The following SORCS2 variants were observed in gnomAD, a reference collection of about 807,000 sequenced individuals.
SORCS2 encodes sortilin related VPS10 domain containing receptor 2.
A neutral mutation model predicts 141.6 loss-of-function variants in SORCS2; 100 were observed. The observed-to-expected ratio is 0.71, with a 90% CI of 0.60 to 0.83. The LOEUF is 0.83. Ranked by LOEUF, SORCS2 falls within the 40% of genes least tolerant of loss-of-function variation. The pLI, the probability that SORCS2 is intolerant of heterozygous loss-of-function variation, is 0.00. For synonymous variants in SORCS2, 789 were observed against 676.9 expected (o/e 1.17, Z -2.57); for missense variants, 1,646 against 1,560.2 (o/e 1.05, Z -0.93).
At chr4:7,400,181 C>T (rs1193022703) in intron 2 of SORCS2, among the ~76,000 whole-genome samples, 1 of 152,004 alleles carries the variant, frequency 6.6e-6, no homozygotes, top group Non-Finnish European at 1.5e-5. Flanking sequence ...CTCAGCTCCT[C>T]CCACTCTACC....
intron 1 of SORCS2, among the ~76,000 whole-genome samples, chr4:7,247,700 G>T (rs983760952): frequency 6.6e-6 from 1 of 152,216 alleles, no homozygotes; most frequent in South Asian, 2.1e-4. Flanking sequence ...GCAGCGGGGC[G>T]CGGCCTGGGG....
intron 5 of SORCS2, among the ~76,000 whole-genome samples, chr4:7,658,920 C>T (rs977202562): frequency 1.8e-4 from 27 of 152,222 alleles, no homozygotes; most frequent in African/African-American, 6.5e-4. Flanking sequence ...TGTGGGTGCT[C>T]CTGCCCCCAA....
At chr4:7,641,151 A>G (rs1039684264) in intron 4 of SORCS2, among the ~76,000 whole-genome samples, 7 of 152,172 alleles carry the variant, frequency 4.6e-5, no homozygotes, top group African/African-American at 1.7e-4. Flanking sequence ...CTCTTTCTCA[A>G]CACTGATCAC....
At chr4:7,394,944 G>A (rs1377820874) in intron 1 of SORCS2, among the ~76,000 whole-genome samples, 3 of 143,472 alleles carry the variant, frequency 2.1e-5, no homozygotes, top group African/African-American at 7.7e-5. Flanking sequence ...TCCCCTCTGG[G>A]AACAGCGTGA....
At chr4:7,719,919 G>A (rs1726467176) in intron 18 of SORCS2, among the ~76,000 whole-genome samples, 1 of 152,160 alleles carries the variant, frequency 6.6e-6, no homozygotes. Context: ...CTCTTGGTGG[G>A]GAGAGTCAAC....
At chr4:7,462,086 A>G (rs1729349210) in intron 2 of SORCS2, among the ~76,000 whole-genome samples, 1 of 152,210 alleles carries the variant, frequency 6.6e-6, no homozygotes, top group South Asian at 2.1e-4. Context: ...AAGGGAGAGG[A>G]TGCCCAGAGA....
At position 7,215,855 on chromosome 4, in the gene SORCS2, C is replaced by T. The variant is rs1292761700; in HGVS notation, c.480+22729C>T. 3.9e-5 allele frequency among the ~76,000 whole-genome samples: 6 copies of T among 152,060 alleles called. No homozygotes were observed. In the South Asian group the frequency reaches 6.2e-4, roughly 16 times the overall value. On this transcript the variant is annotated intron_variant, in intron 1 of 26. Transcript: ENST00000507866. The stretch of plus-strand genomic sequence containing the variant: ...TTGTATCTAGCTCAGGGATTGTAAA[C>T]GCACCAATCAGCACCCTGTCAAAAC...
chr4:7,608,131 G>T (rs780964013), intron 3 of SORCS2, among the ~76,000 whole-genome samples: 1 of 152,154 alleles, frequency 6.6e-6, no homozygotes, highest in Non-Finnish European at 1.5e-5. Context: ...TATGGCACAC[G>T]CAGTTGTCCC....
chr4:7,678,999 CTT>C (rs1723339268), intron 9 of SORCS2, among the ~76,000 whole-genome samples: 1 of 152,188 alleles, frequency 6.6e-6, no homozygotes, highest in African/African-American at 2.4e-5. Flanking sequence ...TGAGCACTCA[CTT>C]TGTTTTCCCA....
chr4:7,618,883 G>A (rs1577848509), intron 3 of SORCS2, among the ~76,000 whole-genome samples: 2 of 152,152 alleles, frequency 1.3e-5, no homozygotes, highest in Non-Finnish European at 1.5e-5. Context: ...CGTCCTGGAA[G>A]TCTCGGGCGG....
intron 2 of SORCS2, among the ~76,000 whole-genome samples, chr4:7,403,997 A>ATATATATTTTT (rs1265288820): frequency 7.9e-4 from 15 of 18,912 alleles, no homozygotes; most frequent in Admixed American, 5.5e-3. Context: ...ATATATATAT[A>ATATATATTTTT]TTTTTTTTTT....
chr4:7,354,291 C>G (rs142401639), intron 1 of SORCS2, among the ~76,000 whole-genome samples: 49 of 151,902 alleles, frequency 3.2e-4, no homozygotes, highest in African/African-American at 1.1e-3. Context: ...TGGACGTATC[C>G]CCCCATGGTA....
At chr4:7,513,130 C>A (rs193026381) in intron 2 of SORCS2, among the ~76,000 whole-genome samples, 6 of 152,210 alleles carry the variant, frequency 3.9e-5, no homozygotes, top group Admixed American at 3.9e-4. Context: ...CTGTGGGATT[C>A]TGTGCAAGTC....
At chr4:7,316,749 G>A (rs1560187329) in intron 1 of SORCS2, among the ~76,000 whole-genome samples, 1 of 152,186 alleles carries the variant, frequency 6.6e-6, no homozygotes, top group Non-Finnish European at 1.5e-5. Context: ...TTCTTGTACA[G>A]TTCGCAGCCA....
intron 3 of SORCS2, among the ~76,000 whole-genome samples, chr4:7,552,043 C>T (rs897140963): frequency 4.6e-5 from 7 of 152,112 alleles, no homozygotes; most frequent in African/African-American, 7.2e-5. Context: ...AGGATGCTGC[C>T]GAGATATGAA....
In SORCS2 at chr4:7,195,590, G is replaced by T. The variant is rs1201077199; in HGVS notation, c.480+2464G>T. Among the ~76,000 whole-genome samples, 3 of 152,208 alleles carry T rather than the reference G, an allele frequency of 2.0e-5. No homozygotes were observed. In the East Asian group the frequency reaches 5.8e-4, roughly 29 times the overall value. On this transcript the variant is annotated intron_variant, in intron 1 of 26. Transcript: ENST00000507866. ...CCTTGCCTGAGAAAACTCAGAAGAGGCAAGAAGGCTGTTATCTTGAGCTAA... is the reference window on the plus strand; with the variant it reads ...CCTTGCCTGAGAAAACTCAGAAGAGTCAAGAAGGCTGTTATCTTGAGCTAA...
chr4:7,741,698 C>T lies in SORCS2; in HGVS notation c.*1434C>T, dbSNP rs573464408. ...CTGGGGGTGAATCCCAATGAGGGTC[C>T]CTCTCAGAAAGGGAGAACGCCAGAG... On this transcript the variant is annotated 3_prime_UTR_variant, in exon 27 of 27. Coordinates refer to ENST00000507866, the MANE Select transcript of SORCS2 (RefSeq NM_020777.3). The T allele has an allele frequency of 4.6e-3, 743 of 160,872 alleles. 1 individual carries two copies. The highest frequency in any genetic ancestry group is 7.2e-3 in the Non-Finnish European group (538 of 74,404). The allele number at this position is 160,872 out of a possible 1,614,324, so 10.0% of individuals were successfully genotyped here.
intron 3 of SORCS2, among the ~76,000 whole-genome samples, chr4:7,572,906 A>C (rs992543872): frequency 1.3e-5 from 2 of 152,232 alleles, no homozygotes; most frequent in African/African-American, 4.8e-5. Flanking sequence ...GAGAGATTTT[A>C]TAAGCGACGG....
intron 1 of SORCS2, among the ~76,000 whole-genome samples, chr4:7,349,011 C>G (rs1008687673): frequency 3.9e-5 from 6 of 152,230 alleles, no homozygotes; most frequent in African/African-American, 1.4e-4. Context: ...CTTCCCCCCT[C>G]TGGCTTCCAT....
Sources: gnomAD v4.1 joint callset for allele counts (sites outside exome capture counted in the v4.1 genomes callset) on GRCh38, gnomAD v4.1.1 for gene constraint, MANE v1.5 for transcripts, NCBI Gene and HGNC (gene_info 2026-07-23, HGNC 2026-07-21) for gene names.